Variants in DSCAML1 observed in about 807,000 individuals in gnomAD.
DSCAML1 encodes the protein cell adhesion molecule DSCAML1.
In DSCAML1, 38 loss-of-function variants were observed where a neutral mutation model predicts 200.5. The observed-to-expected ratio is 0.19, with a 90% CI of 0.15 to 0.25. The LOEUF is 0.25. Among genes scored for constraint, DSCAML1 ranks in the 10% least tolerant of loss-of-function variants. The probability of loss-of-function intolerance (pLI) is 1.00; values close to 1 mark genes in which losing one functional copy is unlikely to be tolerated. For synonymous variants in DSCAML1, 1,215 were observed against 1,165.0 expected, an observed-to-expected ratio of 1.04 and a Z score of -0.87; for missense variants, 2,223 against 2,858.8, an observed-to-expected ratio of 0.78 and a Z score of 5.07.
At chr11:117,755,739 C>T (rs1011299957) in intron 3 of DSCAML1, among the ~76,000 whole-genome samples, 1 of 152,236 alleles carries the variant, frequency 6.6e-6, no homozygotes, top group African/African-American at 2.4e-5. Context: ...ATCAGTTTTC[C>T]CCACCCACAG....
intron 3 of DSCAML1, among the ~76,000 whole-genome samples, chr11:117,734,125 T>G (rs188024530): frequency 6.6e-6 from 1 of 152,222 alleles, no homozygotes; most frequent in Admixed American, 6.5e-5. Context: ...CATGTAAGCA[T>G]GCATCTTGTC....
intron 3 of DSCAML1, among the ~76,000 whole-genome samples, chr11:117,644,853 G>C (rs2052490475): frequency 6.6e-6 from 1 of 152,222 alleles, no homozygotes. Flanking sequence ...GGGCTGGCTG[G>C]CCAAGGACTG....
intron 3 of DSCAML1, among the ~76,000 whole-genome samples, chr11:117,700,318 G>A (rs770455026): frequency 1.3e-5 from 2 of 152,176 alleles, no homozygotes; most frequent in Non-Finnish European, 2.9e-5. Context: ...AGTCTACTAC[G>A]GGAGTCCACT....
chr11:117,684,448 A>T (rs961904535), intron 3 of DSCAML1, among the ~76,000 whole-genome samples: 1 of 149,306 alleles, frequency 6.7e-6, no homozygotes, highest in Non-Finnish European at 1.5e-5. Context: ...AAAAAAAAAA[A>T]AAAAAAAAAA....
At chr11:117,632,742 G>A (rs2052200628) in intron 3 of DSCAML1, among the ~76,000 whole-genome samples, 1 of 152,170 alleles carries the variant, frequency 6.6e-6, no homozygotes, top group Admixed American at 6.5e-5. Context: ...CAGTTGCCCT[G>A]GAAGGGCTTT....
chr11:117,800,346 G>A (rs763875034), upstream of DSCAML1, among the ~76,000 whole-genome samples: 4 of 152,346 alleles, frequency 2.6e-5, no homozygotes, highest in East Asian at 7.7e-4. Context: ...ACATTTTAGA[G>A]GGGCTATATT....
chr11:117,645,557 A>G (rs1591358018), intron 3 of DSCAML1, among the ~76,000 whole-genome samples: 2 of 152,086 alleles, frequency 1.3e-5, no homozygotes, highest in East Asian at 3.9e-4. Context: ...ACACCATGGA[A>G]TACTATGCAG....
intron 3 of DSCAML1, among the ~76,000 whole-genome samples, chr11:117,739,259 T>C (rs1287809045): frequency 6.6e-6 from 1 of 152,138 alleles, no homozygotes; most frequent in Non-Finnish European, 1.5e-5. Flanking sequence ...AAAGATTTCC[T>C]AGGATGGTGG....
chr11:117,604,762 G>A (rs1363688950), intron 3 of DSCAML1, among the ~76,000 whole-genome samples: 1 of 152,212 alleles, frequency 6.6e-6, no homozygotes, highest in Non-Finnish European at 1.5e-5. Context: ...GATTGTCCCA[G>A]GAGCCCGGGA....
At chr11:117,814,802 C>G (rs554218984) in intron 1 of DSCAML1, among the ~76,000 whole-genome samples, 1 of 152,200 alleles carries the variant, frequency 6.6e-6, no homozygotes, top group Non-Finnish European at 1.5e-5. Flanking sequence ...CAGCCTGGCT[C>G]GTCCCCCTCC....
At chr11:117,643,610 C>T (rs1258330991) in intron 3 of DSCAML1, among the ~76,000 whole-genome samples, 4 of 152,196 alleles carry the variant, frequency 2.6e-5, no homozygotes, top group African/African-American at 4.8e-5. Context: ...CAATTTAAGG[C>T]TGTGCCGTCT....
At chr11:117,589,321 A>G (rs138435051) in intron 3 of DSCAML1, among the ~76,000 whole-genome samples, 2 of 152,320 alleles carry the variant, frequency 1.3e-5, no homozygotes, top group African/African-American at 2.4e-5. Flanking sequence ...TCACGCAGCT[A>G]TTTATTTATT....
intron 4 of DSCAML1, among the ~76,000 whole-genome samples, chr11:117,531,491 T>C (rs936648813): frequency 6.6e-6 from 1 of 152,188 alleles, no homozygotes; most frequent in Non-Finnish European, 1.5e-5. Flanking sequence ...GAATCCTCTA[T>C]TCTGTTTAGA....
intron 20 of DSCAML1, among the ~76,000 whole-genome samples, chr11:117,445,090 A>C (rs1055428975): frequency 6.6e-6 from 1 of 152,226 alleles, no homozygotes; most frequent in Non-Finnish European, 1.5e-5. Context: ...AGACGCATGC[A>C]CACATGCTGA....
At chr11:117,655,837 CAA>C (rs1272939389) in intron 3 of DSCAML1, among the ~76,000 whole-genome samples, 2 of 152,186 alleles carry the variant, frequency 1.3e-5, no homozygotes, top group Non-Finnish European at 2.9e-5. Flanking sequence ...CCACAGCTGC[CAA>C]AACTGGCTTG....
At chr11:117,777,679 C>T (rs1488905077) in intron 2 of DSCAML1, among the ~76,000 whole-genome samples, 2 of 152,178 alleles carry the variant, frequency 1.3e-5, no homozygotes, top group Non-Finnish European at 2.9e-5. Context: ...CAGCACCCCT[C>T]CCTGACCCCC....
At chr11:117,479,631 G>A (rs1011223363) in intron 14 of DSCAML1, among the ~76,000 whole-genome samples, 1 of 152,144 alleles carries the variant, frequency 6.6e-6, no homozygotes, top group Non-Finnish European at 1.5e-5. Flanking sequence ...GCACCTGAGA[G>A]GAGGGCTCTG....
At chr11:117,433,374 G>A in intron 28 of DSCAML1, 67 bp downstream of exon 28, 1 of 1,596,224 alleles carries the variant, frequency 6.3e-7, no homozygotes, top group Non-Finnish European at 8.5e-7. Flanking sequence ...TCAGAGCGAG[G>A]CTCCTGGGTC....
rs1340426688 is a variant in DSCAML1, at chr11:117,430,812, T to C, written c.5596A>G (p.Ile1866Val). ...GGTGGTGAGGCGGTAAAGCGGCAGA[T>C]GCCAGGCTCTGAGGGTGTGCTCATG... is the stretch of plus-strand genomic sequence containing the variant. ...TSMSTPSEPGICRFTASPPKP... is the reference protein window; with the variant it reads ...TSMSTPSEPGVCRFTASPPKP... The change falls in exon 32 of 33, where the codon ATC becomes GTC. Residue 1866 changes from isoleucine (I) to valine (V), a missense_variant. This residue lies in a region of DSCAML1 where 96 missense variants were observed against 160.7 expected (regional missense o/e 0.60). Transcript: ENST00000651296. 1 of 1,614,116 alleles carries C rather than the reference T, an allele frequency of 6.2e-7. No homozygotes were observed. The highest frequency in any genetic ancestry group is 8.5e-7 in the Non-Finnish European group (1 of 1,180,014).
Sources: gnomAD v4.1 joint callset for allele counts (sites outside exome capture counted in the v4.1 genomes callset) on GRCh38, gnomAD v4.1.1 for gene constraint, gnomAD v4.1.1 regional missense constraint, MANE v1.5 for transcripts, NCBI Gene and HGNC (gene_info 2026-07-23, HGNC 2026-07-21) for gene names.